TNRC6A: variants seen among roughly 807,000 people sequenced by gnomAD.
The protein encoded by TNRC6A is trinucleotide repeat-containing gene 6A protein.
TNRC6A carries 44 observed loss-of-function variants against 221.2 expected under a neutral mutation model. That is an observed-to-expected ratio of 0.20 (90% confidence interval 0.16 to 0.26). The LOEUF is 0.26. Among genes scored for constraint, TNRC6A ranks in the 10% least tolerant of loss-of-function variants. The pLI, the probability that TNRC6A is intolerant of heterozygous loss-of-function variation, is 1.00. For synonymous variants in TNRC6A, 847 were observed against 838.5 expected (o/e 1.01, Z -0.18); for missense variants, 2,199 against 2,404.4 (o/e 0.91, Z 1.79).
Position 24,789,086 on chromosome 16 carries a change from C to G in TNRC6A, c.590-146C>G, listed in dbSNP as rs2058037468. ...TGGTGGCTAGAAGATAACCAGTGCCCTTGTCACCATTCTGCCAAGGATCAT... is the reference window on the plus strand; with the variant it reads ...TGGTGGCTAGAAGATAACCAGTGCCGTTGTCACCATTCTGCCAAGGATCAT... On this transcript the variant is annotated intron_variant, in intron 5 of 24. Transcript: ENST00000395799. 14 of 793,916 alleles carry G rather than the reference C, an allele frequency of 1.8e-5. No individual in the cohort carries two copies. The Admixed American group carries it at 2.7e-4, about 15-fold the overall frequency. The allele number at this position is 793,916 out of a possible 1,614,324, so 49.2% of individuals were successfully genotyped here.
At chr16:24,674,265 G>A (rs58617689) in intron 2 of TNRC6A, among the ~76,000 whole-genome samples, 13,419 of 151,762 alleles carry the variant, frequency 0.088, 852 homozygotes, top group East Asian at 0.21. Flanking sequence ...ACAAGGTCTC[G>A]ATGTGTTGCC....
intron 1 of TNRC6A, among the ~76,000 whole-genome samples, chr16:24,619,260 G>A (rs1320701967): frequency 2.0e-5 from 3 of 152,088 alleles, no homozygotes; most frequent in Non-Finnish European, 4.4e-5. Context: ...TATTATCATC[G>A]TGGGTCTCAC....
At chr16:24,669,070 T>C (rs551385037) in intron 2 of TNRC6A, among the ~76,000 whole-genome samples, 1 of 151,866 alleles carries the variant, frequency 6.6e-6, no homozygotes, top group South Asian at 2.1e-4. Flanking sequence ...ATTTGACCAA[T>C]GAAAGGGGGA....
chr16:24,727,656 G>T (rs1020505405), upstream of TNRC6A, among the ~76,000 whole-genome samples: 1 of 152,104 alleles, frequency 6.6e-6, no homozygotes, highest in African/African-American at 2.4e-5. Context: ...TGCAAATGTT[G>T]ATAAATATGA....
chr16:24,800,770 G>T (rs138248295), intron 11 of TNRC6A, among the ~76,000 whole-genome samples: 1 of 152,294 alleles, frequency 6.6e-6, no homozygotes, highest in East Asian at 1.9e-4. Context: ...GGAGGGGAAT[G>T]CTGGGAGAAG....
At chr16:24,740,841 C>A (rs1158648433) in intron 2 of TNRC6A, among the ~76,000 whole-genome samples, 1 of 152,152 alleles carries the variant, frequency 6.6e-6, no homozygotes, top group Non-Finnish European at 1.5e-5. Flanking sequence ...ATTCCACCTT[C>A]TGTCTGTATG....
chr16:24,728,781 A>AT (rs1480828659), upstream of TNRC6A, among the ~76,000 whole-genome samples: 3 of 152,240 alleles, frequency 2.0e-5, no homozygotes, highest in Non-Finnish European at 2.9e-5. Context: ...ACATATATAC[A>AT]TATCTTAGTC....
At chr16:24,730,330 C>G in intron 2 of TNRC6A, 30 bp downstream of exon 2, 1 of 1,600,738 alleles carries the variant, frequency 6.2e-7, no homozygotes, top group Non-Finnish European at 8.5e-7. Context: ...CGTCTCCCGC[C>G]CCACGATAAT....
chr16:24,641,623 T>A (rs1162737597), intron 2 of TNRC6A, among the ~76,000 whole-genome samples: 1 of 152,226 alleles, frequency 6.6e-6, no homozygotes, highest in African/African-American at 2.4e-5. Flanking sequence ...TACTGAAGGA[T>A]GTTCTTAAGC....
chr16:24,743,803 A>G (rs1446392181), intron 2 of TNRC6A, among the ~76,000 whole-genome samples: 1 of 152,186 alleles, frequency 6.6e-6, no homozygotes, highest in Non-Finnish European at 1.5e-5. Flanking sequence ...CTTTACTCCT[A>G]AACACTTAGT....
chr16:24,813,456 A>G (rs1353544499), intron 18 of TNRC6A, among the ~76,000 whole-genome samples: 1 of 152,238 alleles, frequency 6.6e-6, no homozygotes, highest in Non-Finnish European at 1.5e-5. Flanking sequence ...TTTAGTTCAC[A>G]TAGGGTAATG....
chr16:24,670,972 G>A (rs1238436647), intron 2 of TNRC6A: 3 of 407,762 alleles, frequency 7.4e-6, no homozygotes, highest in African/African-American at 2.1e-5. Flanking sequence ...ATCGTAATTA[G>A]CATCTGGCCG....
chr16:24,681,478 T>C (rs895834369), intron 2 of TNRC6A, among the ~76,000 whole-genome samples: 5 of 152,262 alleles, frequency 3.3e-5, no homozygotes, highest in African/African-American at 4.8e-5. Flanking sequence ...TCCGCCTGCC[T>C]CAGCCTCCCA....
Position 24,717,934 on chromosome 16 carries a change from C to A in TNRC6A, n.403-32792C>A, listed in dbSNP as rs139052242. ...TATAGGCGCGTGCCACCACCCCCAG[C>A]TAATTTTATATTTTTAGTATTTTTA... On this transcript the variant is annotated intron_variant and non_coding_transcript_variant, in intron 2 of 2. Coordinates refer to the TNRC6A transcript ENST00000566108. 2.6e-5 allele frequency among the ~76,000 whole-genome samples: 4 copies of A among 151,904 alleles called. No individual in the cohort carries two copies. In the East Asian group the frequency reaches 7.7e-4, roughly 29 times the overall value.
chr16:24,664,477 T>A (rs1464663954), intron 2 of TNRC6A, among the ~76,000 whole-genome samples: 2 of 141,816 alleles, frequency 1.4e-5, no homozygotes, highest in African/African-American at 5.2e-5. Flanking sequence ...ATATAATAAA[T>A]ATAAATATAA....
At chr16:24,618,153 T>C (rs1001304761) in intron 1 of TNRC6A, among the ~76,000 whole-genome samples, 3 of 152,114 alleles carry the variant, frequency 2.0e-5, no homozygotes, top group African/African-American at 7.2e-5. Context: ...ACTCTCAGCC[T>C]CAAGTGATCT....
intron 2 of TNRC6A, among the ~76,000 whole-genome samples, chr16:24,737,905 T>C (rs2056806301): frequency 6.6e-6 from 1 of 152,234 alleles, no homozygotes; most frequent in African/African-American, 2.4e-5. Flanking sequence ...AAATGTCCTT[T>C]TAAATATCAT....
At chr16:24,709,786 T>A (rs567070154) in intron 2 of TNRC6A, among the ~76,000 whole-genome samples, 1 of 144,202 alleles carries the variant, frequency 6.9e-6, no homozygotes, top group South Asian at 2.2e-4. Flanking sequence ...GATTACACTA[T>A]TGCGTGCCAG....
At chr16:24,714,632 T>C (rs879455805) in intron 2 of TNRC6A, among the ~76,000 whole-genome samples, 2 of 152,174 alleles carry the variant, frequency 1.3e-5, no homozygotes, top group Admixed American at 1.3e-4. Context: ...AATTCTGTGC[T>C]TTTTTCTTCT....
Sources: gnomAD v4.1 joint callset for allele counts (sites outside exome capture counted in the v4.1 genomes callset) on GRCh38, gnomAD v4.1.1 for gene constraint, MANE v1.5 for transcripts, NCBI Gene and HGNC (gene_info 2026-07-23, HGNC 2026-07-21) for gene names.